BAP1: variants seen among roughly 807,000 people sequenced by gnomAD.
The protein encoded by BAP1 is BRCA1 associated deubiquitinase 1.
In BAP1, 16 loss-of-function variants were observed where a neutral mutation model predicts 77.2. The ratio of observed to expected loss-of-function variants is 0.21; its 90% CI spans 0.14 to 0.31. BAP1 has a LOEUF of 0.31. Among genes scored for constraint, BAP1 ranks in the 10% least tolerant of loss-of-function variants. The pLI is 1.00. For missense variants in BAP1, 699 were observed against 967.3 expected, an observed-to-expected ratio of 0.72 and a Z score of 3.68; for synonymous variants, 362 against 385.2, an observed-to-expected ratio of 0.94 and a Z score of 0.71.
chr3:52,409,080 T>G (rs1215215635), intron 3 of BAP1, among the ~76,000 whole-genome samples: 2 of 152,240 alleles, frequency 1.3e-5, no homozygotes, highest in Non-Finnish European at 2.9e-5. Context: ...TCAGTCACGG[T>G]TGCTACTGTT....
In BAP1 at chr3:52,406,452, G is replaced by A. The variant is rs2153227549; in HGVS notation, c.660-76C>T. ...TCAGGTTGAGGCAGATATCCTGGCA[G>A]GGCTCCCTGCAGTCACACCTGCAGC... is the stretch of plus-strand genomic sequence containing the variant. On this transcript the variant is annotated intron_variant, in intron 8 of 16. Transcript: ENST00000460680. The surrounding 1 kb of genome is among the most constrained non-coding windows in gnomAD (Gnocchi z 4.6). The A allele has an allele frequency of 3.8e-6, 6 of 1,599,118 alleles. No individual in the cohort carries two copies. Among genetic ancestry groups the A allele is most frequent in the Non-Finnish European group, 5.1e-6 (6 of 1,178,082 alleles).
chr3:52,401,187 A>T lies in BAP1; in HGVS notation c.*1101T>A, dbSNP rs926669733. On this transcript the variant is annotated 3_prime_UTR_variant, in exon 17 of 17. Transcript: ENST00000460680. ...ATCACCTTTTTCAAAGCCATCTGGC[A>T]GAGGCCATGGGGCTGTGTTGGGGCC... The T allele has an allele frequency of 3.4e-5, 8 of 232,860 alleles. No individual in the cohort carries two copies. Among genetic ancestry groups the T allele is most frequent in the African/African-American group, 1.8e-4 (8 of 45,320 alleles). 14.4% of individuals were successfully genotyped at this position (232,860 alleles called of 1,614,324 possible). A position where few individuals can be genotyped will look rare whatever the true frequency, so the allele number is the denominator to read the frequency against.
In BAP1 at chr3:52,401,122, C is replaced by A. The variant is rs1327177541; in HGVS notation, c.*1166G>T. ...GCAGCTGCCACACTTGCCAGCACCC[C>A]CCACTCAGTCACTATGTACAGATAA... On this transcript the variant is annotated 3_prime_UTR_variant, in exon 17 of 17. Transcript: ENST00000460680. The A allele has an allele frequency of 4.3e-6, 1 of 232,622 alleles. No homozygotes were observed. Among genetic ancestry groups the A allele is most frequent in the Non-Finnish European group, 8.5e-6 (1 of 117,882 alleles). The allele number at this position is 232,622 out of a possible 1,614,324, so 14.4% of individuals were successfully genotyped here. A position where few individuals can be genotyped will look rare whatever the true frequency, so the allele number is the denominator to read the frequency against.
chr3:52,407,093 C>T (rs1705190274), intron 7 of BAP1, 81 bp downstream of exon 7: 1 of 1,604,882 alleles, frequency 6.2e-7, no homozygotes, highest in African/African-American at 1.3e-5. Flanking sequence ...CACTGGGTAC[C>T]ACATACCAGA....
intron 3 of BAP1, among the ~76,000 whole-genome samples, chr3:52,409,064 C>A (rs1487010231): frequency 6.6e-6 from 1 of 152,220 alleles, no homozygotes; most frequent in Non-Finnish European, 1.5e-5. Flanking sequence ...AAGTAGACTT[C>A]TTGGTTCAGT....
At chr3:52,405,672 T>A in intron 10 of BAP1, 93 bp downstream of exon 10, 1 of 1,549,684 alleles carries the variant, frequency 6.5e-7, no homozygotes, top group South Asian at 1.2e-5. Context: ...CCCAAGGACA[T>A]CCCCAGAAAA....
At position 52,403,355 on chromosome 3, in the gene BAP1, G is replaced by A. The variant is rs542176616; in HGVS notation, c.1730-57C>T. On this transcript the variant is annotated intron_variant, in intron 13 of 16. Coordinates refer to ENST00000460680, the MANE Select transcript of BAP1 (RefSeq NM_004656.4). The surrounding 1 kb of genome is among the most constrained non-coding windows in gnomAD (Gnocchi z 4.0). ...AGTGCAGGACACTTTGTGGTCACTT[G>A]GCCACTTCCCTCCTCCCTCCTGGGT... 7 of 1,612,158 alleles carry A rather than the reference G, an allele frequency of 4.3e-6. No homozygotes were observed. The highest frequency in any genetic ancestry group is 4.5e-5 in the East Asian group (2 of 44,878).
Position 52,407,975 on chromosome 3 carries a change from T to C in BAP1, c.358A>G (p.Lys120Glu), listed in dbSNP as rs774573926. Reference protein sequence around the residue: ...PTLSRMKDFTKGFSPESKGYA... With the variant: ...PTLSRMKDFTEGFSPESKGYA... Reference sequence around the variant, plus strand: ...CAGCCTACCTCAGGGCTGAAACCCTTGGTGAAGTCCTTCATGCGACTCAGG... The same window carrying C: ...CAGCCTACCTCAGGGCTGAAACCCTCGGTGAAGTCCTTCATGCGACTCAGG... Residue 120 changes from lysine to glutamate, a missense_variant, in exon 5 of 17, where the codon AAG (lysine) becomes GAG (glutamate). By Grantham distance (56) the Lys-to-Glu change is moderately conservative. Transcript: ENST00000460680. 2.7e-5 allele frequency: 43 copies of C among 1,613,926 alleles called. No individual in the cohort carries two copies. Among genetic ancestry groups the C allele is most frequent in the Non-Finnish European group, 3.4e-5 (40 of 1,179,994 alleles).
rs757623026 is a variant in BAP1 at position 52,404,561 on chromosome 3, A to C, written c.1142T>G (p.Val381Gly). 6.2e-7 allele frequency: 1 copy of C among 1,613,164 alleles called. No individual in the cohort carries two copies. Among genetic ancestry groups the C allele is most frequent in the Non-Finnish European group, 8.5e-7 (1 of 1,179,828 alleles). The change falls in exon 12 of 17, where the codon GTG becomes GGG. Residue 381 changes from valine to glycine, a missense_variant. Coordinates refer to ENST00000460680, the MANE Select transcript of BAP1 (RefSeq NM_004656.4). Reference protein sequence around the residue: ...MQEEEDLAAGVGRSRVPVRPP... With the variant: ...MQEEEDLAAGGGRSRVPVRPP... ...GCGGACTGGAACTCGGCTGCGGCCC[A>C]CACCTGCCGCCAGGTCTTCTTCCTC...
At chr3:52,408,705 C>T (rs1705246519) in intron 3 of BAP1, 99 bp from the exon 4 acceptor site, 1 of 1,419,276 alleles carries the variant, frequency 7.0e-7, no homozygotes, top group African/African-American at 1.4e-5. Context: ...CGTCATCACT[C>T]AGGTGTCCTT....
In BAP1 at chr3:52,408,569, C is replaced by T. The variant is rs199564379; in HGVS notation, c.160G>A (p.Glu54Lys). Residue 54 changes from glutamate (E) to lysine (K), a missense_variant, in exon 4 of 17, where the codon GAA (glutamate) becomes AAA (lysine). Transcript: ENST00000460680. ...YGFIFLFKWIEERRSRRKVST... is the reference protein window; with the variant it reads ...YGFIFLFKWIKERRSRRKVST... The stretch of plus-strand genomic sequence containing the variant: ...ACCTTTCGCCGGGACCGGCGCTCTT[C>T]GATCCATTTGAACAGGAAGATAAAT... 4.3e-6 allele frequency: 7 copies of T among 1,610,480 alleles called. No individual in the cohort carries two copies. Among genetic ancestry groups the T allele is most frequent in the East Asian group, 2.2e-5 (1 of 44,866 alleles).
In BAP1 at chr3:52,401,860, C is replaced by T; in HGVS notation, c.*428G>A. The T allele has an allele frequency of 9.7e-6, 3 of 308,346 alleles. No homozygotes were observed. 19.1% of individuals were successfully genotyped at this position (308,346 alleles called of 1,614,324 possible). On this transcript the variant is annotated 3_prime_UTR_variant, in exon 17 of 17. Transcript: ENST00000460680. The stretch of plus-strand genomic sequence containing the variant: ...CTGTAGTTGGGACCGTGGCATGATA[C>T]AAGGACCTGGGCCCACCAGGACAGC...
At chr3:52,409,231 C>G (rs1419859973) in intron 3 of BAP1, among the ~76,000 whole-genome samples, 1 of 152,236 alleles carries the variant, frequency 6.6e-6, no homozygotes, top group East Asian at 1.9e-4. Context: ...CATGGGCACA[C>G]TAAAATTAAT....
Position 52,403,289 on chromosome 3 carries a change from T to C in BAP1, c.1739A>G (p.Lys580Arg), listed in dbSNP as rs1322739239. The change falls in exon 14 of 17, where the codon AAG (lysine) becomes AGG (arginine). Residue 580 changes from lysine (K) to arginine (R), a missense_variant. Physicochemically the swap from Lys to Arg is conservative, Grantham distance 26. Coordinates refer to ENST00000460680, the MANE Select transcript of BAP1 (RefSeq NM_004656.4). This position sits in a 1 kb window ranked among gnomAD's most constrained non-coding sequence, Gnocchi z 4.0. ...TGGTCTGATGGAGGGCGAGGAACCC[T>C]TCCCACCCTCTGGGAAGAGAGGTCA... ...LSPLALTEGG[K>R]GSSPSIRPIQ... The C allele has an allele frequency of 1.2e-6, 2 of 1,613,802 alleles. No homozygotes were observed. The highest frequency in any genetic ancestry group is 2.7e-5 in the African/African-American group (2 of 74,922).
rs2153226815 is a variant in BAP1, at chr3:52,404,433, C to T, written c.1250+20G>A. 6.2e-6 allele frequency: 10 copies of T among 1,614,222 alleles called. No homozygotes were observed. Among genetic ancestry groups the T allele is most frequent in the Non-Finnish European group, 8.5e-6 (10 of 1,180,028 alleles). On this transcript the variant is annotated intron_variant, in intron 12 of 16. Transcript: ENST00000460680. ...ATCCGAAGCACCTAGAACCTGGTAGCCTTAGAAAGCTGGGCTGACCTAAGG... is the reference window on the plus strand; with the variant it reads ...ATCCGAAGCACCTAGAACCTGGTAGTCTTAGAAAGCTGGGCTGACCTAAGG...
Position 52,406,274 on chromosome 3 carries a change from T to G in BAP1, c.762A>C (p.Thr254=). The change falls in exon 9 of 17, where the codon ACA becomes ACC. Residue 254 remains threonine (T), a synonymous_variant. Transcript: ENST00000460680. The surrounding 1 kb of genome is among the most constrained non-coding windows in gnomAD (Gnocchi z 4.6). ...CTACCTGCTGCAGAGCCTCTAGTAC[T>G]GTCTGACGGTTCACCTTCAGCACAT... ...RLHVLKVNRQ[T]VLEALQQLIR... is the part of the protein sequence containing the mutation. 6.2e-7 allele frequency: 1 copy of G among 1,614,210 alleles called. No homozygotes were observed. Among genetic ancestry groups the G allele is most frequent in the Non-Finnish European group, 8.5e-7 (1 of 1,180,026 alleles).
At chr3:52,407,892 C>T (rs765936242) in intron 5 of BAP1, 66 bp downstream of exon 5, 18 of 1,608,534 alleles carry the variant, frequency 1.1e-5, no homozygotes, top group Admixed American at 3.3e-5. Context: ...GGTAGCATTC[C>T]CAGTGGCCCT....
rs1298749603 is a variant in BAP1 at position 52,404,596 on chromosome 3, A to G, written c.1117-10T>C. The G allele has an allele frequency of 6.2e-7, 1 of 1,611,770 alleles. No individual in the cohort carries two copies. Among genetic ancestry groups the G allele is most frequent in the Non-Finnish European group, 8.5e-7 (1 of 1,179,112 alleles). On this transcript the variant is annotated splice_polypyrimidine_tract_variant and intron_variant, in intron 11 of 16. Coordinates refer to ENST00000460680, the MANE Select transcript of BAP1 (RefSeq NM_004656.4). ...CCAGGTCTTCTTCCTCCTGGGACAA[A>G]GACCAGGGCAGTTACAAACAAGTGC...
In BAP1 at chr3:52,409,999, C is replaced by G. The variant is rs1054464040; in HGVS notation, c.-121G>C. 1.1e-5 allele frequency: 16 copies of G among 1,415,020 alleles called. No individual in the cohort carries two copies. Among genetic ancestry groups the G allele is most frequent in the Non-Finnish European group, 1.4e-5 (15 of 1,047,308 alleles). 87.7% of individuals were successfully genotyped at this position (1,415,020 alleles called of 1,614,324 possible). ...CCCACACACAGACAACGGGCCCAGT[C>G]GCGTCACCCGCCCGCGCCGGCGGCA... On this transcript the variant is annotated 5_prime_UTR_variant, in exon 1 of 17. Transcript: ENST00000460680.
Sources: gnomAD v4.1 joint callset for allele counts (sites outside exome capture counted in the v4.1 genomes callset) on GRCh38, gnomAD v4.1.1 for gene constraint, Gnocchi (gnomAD v3.1) non-coding constraint, MANE v1.5 for transcripts, NCBI Gene and HGNC (gene_info 2026-07-23, HGNC 2026-07-21) for gene names.